CLIP1: variants seen among roughly 807,000 people sequenced by gnomAD.
CLIP1 encodes the protein CAP-Gly domain containing linker protein 1.
In CLIP1, 66 loss-of-function variants were observed where a neutral mutation model predicts 161.6. That is an observed-to-expected ratio of 0.41 (90% CI 0.33 to 0.50). The LOEUF is 0.50. Among genes scored for constraint, CLIP1 ranks in the 20% least tolerant of loss-of-function variants. The pLI is 0.27. For missense variants in CLIP1, 1,376 were observed against 1,702.0 expected (o/e 0.81, Z 3.37); for synonymous variants, 598 against 626.2 (o/e 0.96, Z 0.67).
intron 5 of CLIP1, among the ~76,000 whole-genome samples, chr12:122,358,648 G>T (rs1953622868): frequency 6.6e-6 from 1 of 151,520 alleles, no homozygotes; most frequent in Admixed American, 6.6e-5. Flanking sequence ...TATTTCATAG[G>T]ATTGTTTGAT....
Position 122,288,366 on chromosome 12 carries a change from C to T in CLIP1, c.3647+123G>A, listed in dbSNP as rs898432433. Reference sequence around the variant, plus strand: ...TATTTTGTCAGTTACAAGTACCAAACTATCACAATGCCATTTTCTGAATCT... The same window carrying T: ...TATTTTGTCAGTTACAAGTACCAAATTATCACAATGCCATTTTCTGAATCT... On this transcript the variant is annotated intron_variant, in intron 21 of 25. Transcript: ENST00000620786. 3.4e-5 allele frequency: 28 copies of T among 825,784 alleles called. 2 individuals carry two copies. The South Asian group carries it at 3.9e-4, about 12-fold the overall frequency. 51.2% of individuals were successfully genotyped at this position (825,784 alleles called of 1,614,324 possible).
chr12:122,331,219 G>T (rs1408716959), intron 15 of CLIP1, among the ~76,000 whole-genome samples: 1 of 151,504 alleles, frequency 6.6e-6, no homozygotes, highest in Non-Finnish European at 1.5e-5. Flanking sequence ...TTCCATGTTG[G>T]TCAGGCTGTT....
At chr12:122,347,309 A>C (rs1952797475) in intron 10 of CLIP1, 66 bp downstream of exon 10, 2 of 1,190,882 alleles carry the variant, frequency 1.7e-6, no homozygotes, top group Non-Finnish European at 2.5e-6. Flanking sequence ...ACTATAAAGC[A>C]TGTCACCTGA....
At chr12:122,339,924 G>A (rs1952416936) in intron 11 of CLIP1, among the ~76,000 whole-genome samples, 1 of 152,060 alleles carries the variant, frequency 6.6e-6, no homozygotes. Context: ...AAGTATTTGT[G>A]TATCAAAGCA....
chr12:122,383,640 T>C (rs1029962822), intron 1 of CLIP1, among the ~76,000 whole-genome samples: 12 of 152,220 alleles, frequency 7.9e-5, no homozygotes, highest in Admixed American at 2.0e-4. Context: ...CCAGTGTTGA[T>C]TTTTTAAATC....
In CLIP1 at chr12:122,422,649, G is replaced by C. The variant is rs1956998555; in HGVS notation, c.-235C>G. 1 of 144,610 alleles carries C rather than the reference G, an allele frequency of 6.9e-6. No individual in the cohort carries two copies. The highest frequency in any genetic ancestry group is 1.5e-5 in the Non-Finnish European group (1 of 65,188). The allele number at this position is 144,610 out of a possible 1,614,324, so 9.0% of individuals were successfully genotyped here. The stretch of plus-strand genomic sequence containing the variant: ...GAGCGTGACGCGCCGCCGCCGCCGC[G>C]GGGCCGGGCGGGCGCGCGCTGCCAG... On this transcript the variant is annotated 5_prime_UTR_variant, in exon 1 of 26. Coordinates refer to ENST00000620786, the MANE Select transcript of CLIP1 (RefSeq NM_001247997.2).
intron 20 of CLIP1, among the ~76,000 whole-genome samples, chr12:122,305,729 C>G (rs1181549020): frequency 6.6e-6 from 1 of 152,072 alleles, no homozygotes; most frequent in Non-Finnish European, 1.5e-5. Flanking sequence ...CACCTTTCAT[C>G]TAGGTGGGCA....
chr12:122,372,816 A>G (rs960944925), intron 3 of CLIP1, among the ~76,000 whole-genome samples: 4 of 152,126 alleles, frequency 2.6e-5, no homozygotes, highest in Non-Finnish European at 5.9e-5. Context: ...ATCTAGGCAA[A>G]TGGATTTCAG....
intron 1 of CLIP1, among the ~76,000 whole-genome samples, chr12:122,381,099 T>C (rs904872822): frequency 6.6e-6 from 1 of 152,078 alleles, no homozygotes; most frequent in Admixed American, 6.6e-5. Context: ...GTTTGCTTTG[T>C]TTTATATATC....
At chr12:122,327,798 T>G in intron 17 of CLIP1, 149 bp downstream of exon 17, 1 of 643,854 alleles carries the variant, frequency 1.6e-6, no homozygotes, top group Non-Finnish European at 2.7e-6. Flanking sequence ...GGAAATGTAA[T>G]GTACCACCCT....
intron 17 of CLIP1, among the ~76,000 whole-genome samples, chr12:122,325,560 C>A (rs1245179024): frequency 6.6e-6 from 1 of 152,190 alleles, no homozygotes; most frequent in Non-Finnish European, 1.5e-5. Flanking sequence ...CGGCTCACTG[C>A]AACCTCTGCC....
chr12:122,288,357 A>G, intron 21 of CLIP1, 132 bp downstream of exon 21: 1 of 744,164 alleles, frequency 1.3e-6, no homozygotes, highest in Admixed American at 3.0e-5. Flanking sequence ...GTCAGTTACA[A>G]GTACCAAACT....
chr12:122,380,463 T>C lies in CLIP1; in HGVS notation c.-11A>G. The C allele has an allele frequency of 6.3e-7, 1 of 1,585,194 alleles. No homozygotes were observed. On this transcript the variant is annotated 5_prime_UTR_variant, in exon 2 of 26. Transcript: ENST00000620786. ...CTTTAGCATACTCATTTTCTTTGTA[T>C]GTCAGAGCTGTTTCTCCTTTGCCTG...
chr12:122,422,208 C>T (rs947350440), intron 1 of CLIP1, among the ~76,000 whole-genome samples: 1 of 152,086 alleles, frequency 6.6e-6, no homozygotes, highest in Admixed American at 6.5e-5. Flanking sequence ...GCGCCTGGGG[C>T]GGCGCAGGGG....
At chr12:122,417,115 G>A (rs368596373) in intron 1 of CLIP1, among the ~76,000 whole-genome samples, 1 of 151,536 alleles carries the variant, frequency 6.6e-6, no homozygotes, top group Non-Finnish European at 1.5e-5. Context: ...TGGCCAACAT[G>A]GTGAAACCCC....
intron 17 of CLIP1, among the ~76,000 whole-genome samples, chr12:122,324,600 C>T (rs980624047): frequency 2.0e-5 from 3 of 152,166 alleles, no homozygotes; most frequent in East Asian, 1.9e-4. Context: ...TATCTGTTAG[C>T]TTATTTTATC....
intron 25 of CLIP1, 73 bp from the exon 26 acceptor site, chr12:122,273,173 T>A (rs1955242995): frequency 1.5e-6 from 2 of 1,332,226 alleles, no homozygotes; most frequent in Non-Finnish European, 1.0e-6. Context: ...TTGCAAAAAA[T>A]TTAAAAATTA....
chr12:122,407,315 C>A (rs1415523766), intron 1 of CLIP1, among the ~76,000 whole-genome samples: 1 of 152,062 alleles, frequency 6.6e-6, no homozygotes, highest in Non-Finnish European at 1.5e-5. Flanking sequence ...GGACTAAAAC[C>A]CCAATCTCCA....
At chr12:122,298,839 C>T (rs1196129766) in intron 20 of CLIP1, among the ~76,000 whole-genome samples, 2 of 151,984 alleles carry the variant, frequency 1.3e-5, no homozygotes, top group African/African-American at 4.8e-5. Context: ...CCAGTAGTCT[C>T]AGCTACTGGG....
Sources: gnomAD v4.1 joint callset for allele counts (sites outside exome capture counted in the v4.1 genomes callset) on GRCh38, gnomAD v4.1.1 for gene constraint, MANE v1.5 for transcripts, NCBI Gene and HGNC (gene_info 2026-07-23, HGNC 2026-07-21) for gene names.